TAPT1: variants seen among roughly 807,000 people sequenced by gnomAD.
TAPT1 encodes the protein transmembrane anterior posterior transformation 1.
In TAPT1, 28 loss-of-function variants were observed where a neutral mutation model predicts 65.6. That is an observed-to-expected ratio of 0.43 (90% CI 0.32 to 0.59). The LOEUF (loss-of-function observed/expected upper bound fraction) is 0.59. TAPT1 is among the 20% of genes least tolerant of loss of function. TAPT1 has a pLI of 0.09. For missense variants in TAPT1, 563 were observed against 679.9 expected (o/e 0.83, Z 1.91); for synonymous variants, 278 against 245.2 (o/e 1.13, Z -1.25).
intron 2 of TAPT1, among the ~76,000 whole-genome samples, chr4:16,205,794 T>C (rs547836707): frequency 6.6e-6 from 1 of 152,288 alleles, no homozygotes; most frequent in South Asian, 2.1e-4. Flanking sequence ...ATATAATCAT[T>C]ATGCAAGAGG....
intron 4 of TAPT1, chr4:16,190,595 C>T (rs1423581610): frequency 6.5e-6 from 1 of 153,528 alleles, no homozygotes. Flanking sequence ...CCGCCTCAGC[C>T]TCCCCAAGTG....
chr4:16,184,846 T>C (rs776304943), intron 7 of TAPT1, among the ~76,000 whole-genome samples: 69 of 152,256 alleles, frequency 4.5e-4, no homozygotes, highest in Non-Finnish European at 8.4e-4. Flanking sequence ...TAGTTTGTTA[T>C]ATATTCAGAA....
chr4:16,192,670 G>A (rs1447541075), intron 3 of TAPT1, among the ~76,000 whole-genome samples: 1 of 152,172 alleles, frequency 6.6e-6, no homozygotes, highest in Non-Finnish European at 1.5e-5. Flanking sequence ...GGAAAGATAC[G>A]TTCTCTTTGC....
intron 9 of TAPT1, chr4:16,175,006 G>C: frequency 3.9e-6 from 1 of 257,648 alleles, no homozygotes. Flanking sequence ...TTTAGAATTT[G>C]GGGAAAAGTG....
chr4:16,201,304 A>G (rs1750015829), intron 3 of TAPT1, among the ~76,000 whole-genome samples: 1 of 152,214 alleles, frequency 6.6e-6, no homozygotes, highest in Admixed American at 6.5e-5. Flanking sequence ...AAAAAAACAA[A>G]CCATATAAAT....
upstream of TAPT1, chr4:16,227,271 G>A (rs1356966420): frequency 2.2e-6 from 1 of 455,358 alleles, no homozygotes; most frequent in Non-Finnish European, 4.4e-6. Flanking sequence ...TCGGGACTGG[G>A]GTTAGGAGAC....
rs116168369 is a variant in TAPT1 at position 16,165,188 on chromosome 4, T to A, written c.1474+1445A>T. On this transcript the variant is annotated intron_variant, in intron 13 of 13. Transcript: ENST00000405303. ...TGCTCACCTATTTGGACCCCTGTAG[T>A]TACATGAGGCCTTGAAGGACATCCT... Among the ~76,000 whole-genome samples, 765 of 152,266 alleles carry A rather than the reference T, an allele frequency of 5.0e-3. 2 individuals are homozygous for A. The highest frequency in any genetic ancestry group is 9.1e-3 in the Non-Finnish European group (622 of 68,020).
chr4:16,163,195 T>C lies in TAPT1; in HGVS notation c.*113A>G. ...GATACTAAGATTTGCTTGCCAATAA[T>C]AATTTAAGTTTTTAAATAAATATTT... On this transcript the variant is annotated 3_prime_UTR_variant, in exon 14 of 14. Transcript: ENST00000405303. 1.2e-6 allele frequency: 1 copy of C among 805,844 alleles called. No homozygotes were observed. The highest frequency in any genetic ancestry group is 1.6e-5 in the South Asian group (1 of 61,498). The allele number at this position is 805,844 out of a possible 1,614,324, so 49.9% of individuals were successfully genotyped here. A position where few individuals can be genotyped will look rare whatever the true frequency, so the allele number is the denominator to read the frequency against.
chr4:16,163,403 T>C lies in TAPT1; in HGVS notation c.1609A>G (p.Ile537Val). The change falls in exon 14 of 14, where the codon ATA becomes GTA. Residue 537 changes from isoleucine (I) to valine (V), a missense_variant. Physicochemically the swap from Ile to Val is conservative, Grantham distance 29 (BLOSUM62 3). Transcript: ENST00000405303. ...TTTAATTCAGAATTGTCCTGCGTTA[T>C]GTCCTTCTCGTCACCATCTGGAGTT... Reference protein sequence around the residue: ...LTTPDGDEKDITQDNSELKHR... With the variant: ...LTTPDGDEKDVTQDNSELKHR... 4 of 1,614,018 alleles carry C rather than the reference T, an allele frequency of 2.5e-6. No individual in the cohort carries two copies. The highest frequency in any genetic ancestry group is 3.4e-6 in the Non-Finnish European group (4 of 1,179,880).
In TAPT1 at chr4:16,163,469, T is replaced by C. The variant is rs376420202; in HGVS notation, c.1543A>G (p.Ile515Val). 1.2e-6 allele frequency: 2 copies of C among 1,614,042 alleles called. No individual in the cohort carries two copies. Among genetic ancestry groups the C allele is most frequent in the East Asian group, 2.2e-5 (1 of 44,882 alleles). The change falls in exon 14 of 14, where the codon ATA (isoleucine) becomes GTA (valine). Residue 515 changes from isoleucine to valine, a missense_variant. Ile to Val is a conservative substitution (Grantham distance 29). Transcript: ENST00000405303. ...KQPIHQKENI[I>V]PLLVTSNSDQ... ...GAATTGCTTGTCACAAGTAATGGTATGATATTTTCCTTTTGATGAATAGGT... is the reference window on the plus strand; with the variant it reads ...GAATTGCTTGTCACAAGTAATGGTACGATATTTTCCTTTTGATGAATAGGT...
intron 1 of TAPT1, among the ~76,000 whole-genome samples, chr4:16,218,483 T>C (rs1751069437): frequency 6.6e-6 from 1 of 152,322 alleles, no homozygotes; most frequent in East Asian, 1.9e-4. Flanking sequence ...GCTTTGACCA[T>C]AATGAGAGTT....
intron 13 of TAPT1, 77 bp from the exon 14 acceptor site, chr4:16,163,614 T>C (rs1353487049): frequency 9.0e-6 from 11 of 1,223,692 alleles, no homozygotes; most frequent in African/African-American, 1.5e-5. Context: ...ACCAATACAG[T>C]GGTGCTGAAA....
chr4:16,222,867 A>T (rs1751334271), intron 1 of TAPT1, among the ~76,000 whole-genome samples: 1 of 152,162 alleles, frequency 6.6e-6, no homozygotes, highest in African/African-American at 2.4e-5. Context: ...AGAAGAAAGA[A>T]ATGGGTCCAT....
intron 4 of TAPT1, 59 bp downstream of exon 4, chr4:16,191,302 C>T: frequency 6.6e-7 from 1 of 1,519,748 alleles, no homozygotes; most frequent in Non-Finnish European, 8.9e-7. Flanking sequence ...ACCTTCAGAA[C>T]TGAAGACTTG....
At chr4:16,208,354 T>G (rs535964341) in intron 2 of TAPT1, among the ~76,000 whole-genome samples, 3 of 152,336 alleles carry the variant, frequency 2.0e-5, no homozygotes, top group African/African-American at 7.2e-5. Flanking sequence ...CTTTTCTGTT[T>G]GTTGGAAAAG....
At chr4:16,174,155 A>T in intron 11 of TAPT1, 49 bp downstream of exon 11, 1 of 1,339,328 alleles carries the variant, frequency 7.5e-7, no homozygotes, top group South Asian at 1.3e-5. Context: ...TTAATATTCT[A>T]TAATGATGGC....
intron 10 of TAPT1, 36 bp downstream of exon 10, chr4:16,174,612 AGTTAATTTCAGACTATGCCTTT>A (rs1372262179): frequency 2.2e-6 from 3 of 1,383,356 alleles, no homozygotes; most frequent in East Asian, 2.5e-5. Context: ...ATCATTATTC[AGTTAATTTCAGACTATGCCTTT>A]GTTAATTTCA....
At chr4:16,215,647 A>G (rs1400656865) in intron 1 of TAPT1, among the ~76,000 whole-genome samples, 1 of 152,156 alleles carries the variant, frequency 6.6e-6, no homozygotes, top group Non-Finnish European at 1.5e-5. Flanking sequence ...ATCTATCTAC[A>G]TGTGTCGTAC....
At position 16,160,618 on chromosome 4, in the gene TAPT1, C is replaced by T. The variant is rs139393996; in HGVS notation, c.*2690G>A. 3 of 152,286 alleles carry T rather than the reference C, an allele frequency of 2.0e-5. No homozygotes were observed. The highest frequency in any genetic ancestry group is 7.2e-5 in the African/African-American group (3 of 41,558). 9.4% of individuals were successfully genotyped at this position (152,286 alleles called of 1,614,324 possible). ...CATCGACTTGTTCCTATCAGTCTTC[C>T]ACAGACGAACAGGGACTTATCTTGC... On this transcript the variant is annotated 3_prime_UTR_variant, in exon 14 of 14. Transcript: ENST00000405303.
Sources: gnomAD v4.1 joint callset for allele counts (sites outside exome capture counted in the v4.1 genomes callset) on GRCh38, gnomAD v4.1.1 for gene constraint, MANE v1.5 for transcripts, NCBI Gene and HGNC (gene_info 2026-07-23, HGNC 2026-07-21) for gene names.